Variants in MMP25 observed in about 807,000 individuals in gnomAD.
The protein encoded by MMP25 is matrix metallopeptidase 25, also known as matrix metalloproteinase-25.
Under a neutral mutation model 62.1 loss-of-function variants are expected in MMP25, and 68 were observed. The observed-to-expected ratio is 1.10, with a 90% CI of 0.90 to 1.34. The LOEUF is 1.34. MMP25 is among the 40% of genes most tolerant of loss of function. The pLI is 0.00. For missense variants in MMP25, 942 were observed against 792.5 expected (o/e 1.19, Z -2.26); for synonymous variants, 407 against 345.6 (o/e 1.18, Z -1.97).
Position 3,058,287 on chromosome 16 carries a change from G to T in MMP25, c.1113G>T (p.Gln371His). ...EGLPAQVRVV[Q>H]AAYARHRDGR... Reference sequence around the variant, plus strand: ...TGCCCGCCCAGGTGAGGGTGGTGCAGGCCGCCTATGCTCGGCACCGAGACG... The same window carrying T: ...TGCCCGCCCAGGTGAGGGTGGTGCATGCCGCCTATGCTCGGCACCGAGACG... The change falls in exon 8 of 10, where the codon CAG (glutamine) becomes CAT (histidine). Residue 371 changes from glutamine (Q) to histidine (H), a missense_variant. Coordinates refer to ENST00000336577, the MANE Select transcript of MMP25 (RefSeq NM_022468.5). 1 of 1,608,154 alleles carries T rather than the reference G, an allele frequency of 6.2e-7. No individual in the cohort carries two copies.
At chr16:3,048,624 G>A (rs1955854596) in intron 2 of MMP25, among the ~76,000 whole-genome samples, 2 of 152,090 alleles carry the variant, frequency 1.3e-5, no homozygotes, top group African/African-American at 4.8e-5. Context: ...TCCCGGGCAA[G>A]TGCAAAGACC....
chr16:3,057,241 C>T (rs1167845682), intron 5 of MMP25, 32 bp downstream of exon 5: 1 of 1,613,908 alleles, frequency 6.2e-7, no homozygotes, highest in Non-Finnish European at 8.5e-7. Flanking sequence ...GCGAAACCAT[C>T]ATTGCCCCAT....
At chr16:3,047,392 A>G in intron 1 of MMP25, 23 bp from the exon 2 acceptor site, 1 of 1,603,944 alleles carries the variant, frequency 6.2e-7, no homozygotes, top group Non-Finnish European at 8.5e-7. Flanking sequence ...AGCCCGCTTC[A>G]CCTGCCCCCT....
intron 4 of MMP25, chr16:3,054,816 G>T (rs1380363373): frequency 1.3e-5 from 2 of 154,550 alleles, no homozygotes; most frequent in Non-Finnish European, 2.9e-5. Context: ...ATGCACAGAG[G>T]CGGGGATGGA....
At position 3,050,445 on chromosome 16, in the gene MMP25, G is replaced by A; in HGVS notation, c.560G>A (p.Gly187Glu). The A allele has an allele frequency of 2.5e-6, 4 of 1,613,816 alleles. No homozygotes were observed. Among genetic ancestry groups the A allele is most frequent in the Non-Finnish European group, 3.4e-6 (4 of 1,179,924 alleles). The change falls in exon 4 of 10, where the codon GGG becomes GAG. Residue 187 changes from glycine to glutamate, a missense_variant. By Grantham distance (98) the Gly-to-Glu change is moderately conservative. Coordinates refer to ENST00000336577, the MANE Select transcript of MMP25 (RefSeq NM_022468.5). ...CACCAGGACAGCTACCCCTTCGACG[G>A]GTTGGGGGGCACCCTAGCCCATGCC... Reference protein sequence around the residue: ...AFHQDSYPFDGLGGTLAHAFF... With the variant: ...AFHQDSYPFDELGGTLAHAFF...
intron 2 of MMP25, among the ~76,000 whole-genome samples, chr16:3,047,917 G>T (rs531181728): frequency 6.7e-6 from 1 of 148,822 alleles, no homozygotes; most frequent in African/African-American, 2.5e-5. Flanking sequence ...TCGGCTCACC[G>T]CAACCTCTGC....
chr16:3,049,571 G>A (rs534703966), intron 2 of MMP25, among the ~76,000 whole-genome samples: 20 of 152,272 alleles, frequency 1.3e-4, no homozygotes, highest in Non-Finnish European at 2.4e-4. Context: ...AGACCCAGCC[G>A]GCCTGGGCAC....
chr16:3,059,083 T>TG lies in MMP25; in HGVS notation c.1675dup (p.Val559GlyfsTer76). ...TCCTCTTGCCCCTGCTGGTGGGGGG[T>TG]GTAGCCTCCCGCTGATGGGGGGAGC... On this transcript the variant is annotated frameshift_variant, in exon 10 of 10. Coordinates refer to ENST00000336577, the MANE Select transcript of MMP25 (RefSeq NM_022468.5). LOFTEE classifies it high-confidence loss of function. The TG allele has an allele frequency of 6.5e-7, 1 of 1,544,674 alleles. No homozygotes were observed. Among genetic ancestry groups the TG allele is most frequent in the East Asian group, 2.5e-5 (1 of 40,742 alleles).
chr16:3,047,673 C>A, intron 2 of MMP25, 126 bp downstream of exon 2: 1 of 1,042,454 alleles, frequency 9.6e-7, no homozygotes, highest in Non-Finnish European at 1.4e-6. Flanking sequence ...AGGCCCCAAA[C>A]CCAGAGGGCC....
rs537426348 is a variant in MMP25 at position 3,048,421 on chromosome 16, G to C, written c.232+874G>C. On this transcript the variant is annotated intron_variant, in intron 2 of 9. Coordinates refer to ENST00000336577, the MANE Select transcript of MMP25 (RefSeq NM_022468.5). ...TCTCATGGAGCTAACTTTCTCGAGG[G>C]AGAGAGAGAGAGACAGATCAAGAAC... Among the ~76,000 whole-genome samples, 27 of 152,074 alleles carry C rather than the reference G, an allele frequency of 1.8e-4. No homozygotes were observed. In the South Asian group the frequency reaches 4.8e-3, roughly 27 times the overall value.
intron 1 of MMP25, 84 bp downstream of exon 1, chr16:3,047,100 G>A (rs1005524529): frequency 2.7e-5 from 36 of 1,317,398 alleles, no homozygotes; most frequent in Admixed American, 3.6e-5. Context: ...GTCCGGAGGA[G>A]GCAGGGGCCA....
In MMP25 at chr16:3,050,939, C is replaced by T. The variant is rs115453077; in HGVS notation, c.661+393C>T. ...CCACGTAGCCAGGACCACAGATGTG[C>T]ACCACCACACCTGGCTAGTTTTAAA... is the stretch of plus-strand genomic sequence containing the variant. On this transcript the variant is annotated intron_variant, in intron 4 of 9. Coordinates refer to ENST00000336577, the MANE Select transcript of MMP25 (RefSeq NM_022468.5). 9.0e-3 allele frequency among the ~76,000 whole-genome samples: 1,370 copies of T among 152,022 alleles called. 22 individuals carry two copies. Among genetic ancestry groups the T allele is most frequent in the African/African-American group, 0.029 (1,218 of 41,472 alleles).
At chr16:3,055,436 G>A (rs1955989640) in intron 4 of MMP25, among the ~76,000 whole-genome samples, 1 of 151,974 alleles carries the variant, frequency 6.6e-6, no homozygotes, top group African/African-American at 2.4e-5. Flanking sequence ...CAGTCGACAG[G>A]GAAATTCGTC....
At chr16:3,052,254 G>A (rs1955915300) in intron 4 of MMP25, 1 of 152,236 alleles carries the variant, frequency 6.6e-6, no homozygotes, top group East Asian at 1.9e-4. Context: ...AAAGCAGTGA[G>A]CCAGCTGAGT....
rs1955826741 is a variant in MMP25 at position 3,046,844 on chromosome 16, C to T, written c.-74C>T. 1 of 853,408 alleles carries T rather than the reference C, an allele frequency of 1.2e-6. No homozygotes were observed. Among genetic ancestry groups the T allele is most frequent in the Non-Finnish European group, 1.6e-6 (1 of 609,530 alleles). 52.9% of individuals were successfully genotyped at this position (853,408 alleles called of 1,614,324 possible). A position where few individuals can be genotyped will look rare whatever the true frequency, so the allele number is the denominator to read the frequency against. ...CCCGCCCTCTCCAGGCCCGGATCTC[C>T]TCCCCCAGGTCCCCGGGGCGGCCCC... On this transcript the variant is annotated 5_prime_UTR_variant, in exon 1 of 10. Coordinates refer to ENST00000336577, the MANE Select transcript of MMP25 (RefSeq NM_022468.5).
rs1437259073 is a variant in MMP25, at chr16:3,060,251, A to C, written c.*1153A>C. 1 of 151,896 alleles carries C rather than the reference A, an allele frequency of 6.6e-6. No homozygotes were observed. Among genetic ancestry groups the C allele is most frequent in the Non-Finnish European group, 1.5e-5 (1 of 67,974 alleles). 9.4% of individuals were successfully genotyped at this position (151,896 alleles called of 1,614,324 possible). On this transcript the variant is annotated 3_prime_UTR_variant, in exon 10 of 10. Transcript: ENST00000336577. Reference sequence around the variant, plus strand: ...GGAAATTTAAGTTTGCAGATCCCACACTCACCCTGAATCCTCACTCAGGGT... The same window carrying C: ...GGAAATTTAAGTTTGCAGATCCCACCCTCACCCTGAATCCTCACTCAGGGT...
In MMP25 at chr16:3,046,617, C is replaced by T. The variant is rs1272198118; in HGVS notation, c.-301C>T. Reference sequence around the variant, plus strand: ...GGGCCGCTGGCGCAGCGCCCCGGGACCCCGAGAGGCCGCCGCGGCACATCC... The same window carrying T: ...GGGCCGCTGGCGCAGCGCCCCGGGATCCCGAGAGGCCGCCGCGGCACATCC... On this transcript the variant is annotated 5_prime_UTR_variant, in exon 1 of 10. Transcript: ENST00000336577. 1.2e-5 allele frequency: 3 copies of T among 249,188 alleles called. No individual in the cohort carries two copies. Among genetic ancestry groups the T allele is most frequent in the Non-Finnish European group, 2.3e-5 (3 of 131,172 alleles). The allele number at this position is 249,188 out of a possible 1,614,324, so 15.4% of individuals were successfully genotyped here. A position where few individuals can be genotyped will look rare whatever the true frequency, so the allele number is the denominator to read the frequency against.
chr16:3,056,065 G>T (rs55977932), intron 4 of MMP25: 40,227 of 407,842 alleles, frequency 0.099, 2,636 homozygotes, highest in African/African-American at 0.21. Context: ...GACCTGGGGT[G>T]GGGGTGGTAC....
In MMP25 at chr16:3,057,554, G is replaced by A. The variant is rs1341746724; in HGVS notation, c.947G>A (p.Arg316Gln). Residue 316 changes from arginine to glutamine, a missense_variant, in exon 7 of 10, where the codon CGA becomes CAA. Transcript: ENST00000336577. ...THSPSFPIPD[R>Q]CEGNFDAIAN... ...AGCCCATCCTTCCCCATCCCTGATC[G>A]ATGTGAGGGCAATTTTGACGCCATC... 6.2e-7 allele frequency: 1 copy of A among 1,614,078 alleles called. No individual in the cohort carries two copies. Among genetic ancestry groups the A allele is most frequent in the Non-Finnish European group, 8.5e-7 (1 of 1,179,992 alleles).
Sources: gnomAD v4.1 joint callset for allele counts (sites outside exome capture counted in the v4.1 genomes callset) on GRCh38, gnomAD v4.1.1 for gene constraint, MANE v1.5 for transcripts, NCBI Gene and HGNC (gene_info 2026-07-23, HGNC 2026-07-21) for gene names.